Variants in ROBO2 observed in about 807,000 individuals in gnomAD.
The protein encoded by ROBO2 is roundabout homolog 2.
In ROBO2, 53 loss-of-function variants were observed where a neutral mutation model predicts 160.8. The observed-to-expected ratio is 0.33, with a 90% CI of 0.26 to 0.41. The LOEUF is 0.41. Ranked by LOEUF, ROBO2 falls within the 10% of genes least tolerant of loss-of-function variation. The pLI is 1.00. For synonymous variants in ROBO2, 664 were observed against 611.7 expected (o/e 1.09, Z -1.26); for missense variants, 1,577 against 1,722.4 (o/e 0.92, Z 1.49).
intron 2 of ROBO2, among the ~76,000 whole-genome samples, chr3:76,365,303 C>T (rs2075751237): frequency 6.6e-6 from 1 of 152,010 alleles, no homozygotes; most frequent in African/African-American, 2.4e-5. Flanking sequence ...GATTCCTGTA[C>T]AGGTAGATGA....
At chr3:76,804,646 C>T (rs2064527043) in intron 2 of ROBO2, among the ~76,000 whole-genome samples, 1 of 152,180 alleles carries the variant, frequency 6.6e-6, no homozygotes, top group African/African-American at 2.4e-5. Flanking sequence ...GCTTCGCAAA[C>T]ACTAGTAGAT....
At chr3:77,594,116 T>G (rs2094244739) in intron 17 of ROBO2, among the ~76,000 whole-genome samples, 1 of 152,210 alleles carries the variant, frequency 6.6e-6, no homozygotes. Context: ...TTAACTAATT[T>G]AATGGCAAAA....
In ROBO2 at chr3:76,948,906, ATATT is replaced by A. The variant is rs1396519742; in HGVS notation, c.110-149106_110-149103del. ...TATATATATATATATATATATATAT[ATATT>A]TTTTTTTTTTTTTTTTTTTTAGTAG... On this transcript the variant is annotated intron_variant, in intron 2 of 26. Transcript: ENST00000487694. Among the ~76,000 whole-genome samples the A allele has an allele frequency of 3.4e-4, 7 of 20,842 alleles. 1 individual carries two copies. The highest frequency in any genetic ancestry group is 1.0e-3 in the African/African-American group (5 of 4,922). The allele number at this position is 20,842 out of a possible 152,430, so 13.7% of individuals were successfully genotyped here.
intron 2 of ROBO2, among the ~76,000 whole-genome samples, chr3:76,604,288 A>G (rs2087468077): frequency 6.6e-6 from 1 of 152,162 alleles, no homozygotes. Flanking sequence ...TATGTGGATA[A>G]TTGTGCATTC....
At chr3:77,415,590 A>G (rs1429286266) in intron 2 of ROBO2, among the ~76,000 whole-genome samples, 1 of 152,140 alleles carries the variant, frequency 6.6e-6, no homozygotes, top group Admixed American at 6.5e-5. Flanking sequence ...CACTGGGCTC[A>G]TTCCACCCAC....
intron 2 of ROBO2, among the ~76,000 whole-genome samples, chr3:75,954,390 C>T (rs1948655330): frequency 6.6e-6 from 1 of 151,826 alleles, no homozygotes; most frequent in Admixed American, 6.6e-5. Context: ...TCACACAGAA[C>T]AGAAACATAA....
At chr3:76,974,514 C>T (rs187589613) in intron 2 of ROBO2, among the ~76,000 whole-genome samples, 2 of 152,272 alleles carry the variant, frequency 1.3e-5, no homozygotes, top group East Asian at 3.9e-4. Flanking sequence ...GCAAGGTGAT[C>T]ACCCAGCCTG....
chr3:77,489,542 A>T (rs2085809292), intron 4 of ROBO2, among the ~76,000 whole-genome samples: 1 of 152,144 alleles, frequency 6.6e-6, no homozygotes, highest in Non-Finnish European at 1.5e-5. Flanking sequence ...TACCATGACT[A>T]AAAAACCCTT....
intron 23 of ROBO2, chr3:77,629,687 A>T (rs556352373): frequency 6.6e-6 from 1 of 152,336 alleles, no homozygotes; most frequent in East Asian, 1.9e-4. Context: ...TAGTGTCATC[A>T]TATTCCTTAT....
chr3:76,797,068 G>A (rs769881930), intron 2 of ROBO2, among the ~76,000 whole-genome samples: 3 of 152,002 alleles, frequency 2.0e-5, no homozygotes, highest in Non-Finnish European at 4.4e-5. Flanking sequence ...AAAAAACATT[G>A]GATCTAATCT....
At chr3:75,991,937 G>T (rs531801392) in intron 2 of ROBO2, among the ~76,000 whole-genome samples, 1 of 152,298 alleles carries the variant, frequency 6.6e-6, no homozygotes, top group African/African-American at 2.4e-5. Context: ...CTAGAGATTT[G>T]TGGAACTTTG....
In ROBO2 at chr3:77,179,981, C is replaced by A. The variant is rs2080552709; in HGVS notation, c.388+81641C>A. 3.3e-5 allele frequency among the ~76,000 whole-genome samples: 5 copies of A among 151,970 alleles called. No individual in the cohort carries two copies. In the South Asian group the frequency reaches 1.0e-3, roughly 31 times the overall value. The stretch of plus-strand genomic sequence containing the variant: ...ATGGAATGACAGGTATTGACTGAAC[C>A]CTGGGCTGTGTTTGAGATGGGGAGG... On this transcript the variant is annotated intron_variant, in intron 2 of 25. Transcript: ENST00000461745.
At chr3:76,382,895 G>C (rs2076707176) in intron 2 of ROBO2, among the ~76,000 whole-genome samples, 1 of 152,168 alleles carries the variant, frequency 6.6e-6, no homozygotes, top group South Asian at 2.1e-4. Flanking sequence ...TTGAGACTTA[G>C]AGGTTATAAG....
chr3:77,103,895 TCTC>T (rs1173416629), intron 2 of ROBO2, among the ~76,000 whole-genome samples: 1 of 152,212 alleles, frequency 6.6e-6, no homozygotes, highest in Non-Finnish European at 1.5e-5. Context: ...GCTTCCTTGA[TCTC>T]CTCAAGTTAA....
At chr3:76,985,595 A>AAAAAAAT (rs2060333979) in intron 2 of ROBO2, among the ~76,000 whole-genome samples, 1 of 151,074 alleles carries the variant, frequency 6.6e-6, no homozygotes, top group African/African-American at 2.4e-5. Context: ...AAAAAAAAAA[A>AAAAAAAT]AAAAAAAAAA....
At chr3:75,946,148 C>T (rs1335764182) in intron 2 of ROBO2, among the ~76,000 whole-genome samples, 271 of 152,076 alleles carry the variant, frequency 1.8e-3, no homozygotes, top group Non-Finnish European at 3.0e-3. Flanking sequence ...ATAGTGTTTT[C>T]TTAGGAAAAT....
At chr3:76,882,720 C>A (rs1417063831) in intron 2 of ROBO2, among the ~76,000 whole-genome samples, 3 of 152,028 alleles carry the variant, frequency 2.0e-5, no homozygotes, top group Non-Finnish European at 2.9e-5. Context: ...ACATTTTTCC[C>A]ATTTCTTACT....
intron 2 of ROBO2, among the ~76,000 whole-genome samples, chr3:76,888,706 A>C (rs1224601653): frequency 6.6e-6 from 1 of 152,122 alleles, no homozygotes; most frequent in East Asian, 1.9e-4. Context: ...TCACCCTTTA[A>C]AAATGCCTCG....
chr3:77,192,750 A>G (rs771114457), intron 2 of ROBO2, among the ~76,000 whole-genome samples: 15 of 147,004 alleles, frequency 1.0e-4, no homozygotes, highest in Non-Finnish European at 2.2e-4. Context: ...GGTTCAAGCA[A>G]CTCTGGTGCC....
Sources: gnomAD v4.1 joint callset for allele counts (sites outside exome capture counted in the v4.1 genomes callset) on GRCh38, gnomAD v4.1.1 for gene constraint, MANE v1.5 for transcripts, NCBI Gene and HGNC (gene_info 2026-07-23, HGNC 2026-07-21) for gene names.